BAHCC1: variants seen among roughly 807,000 people sequenced by gnomAD.
The protein encoded by BAHCC1 is BAH domain and coiled-coil containing 1.
BAHCC1 carries 43 observed loss-of-function variants against 88.2 expected under a neutral mutation model. That is an observed-to-expected ratio of 0.49 (90% CI 0.38 to 0.63). BAHCC1 has a LOEUF of 0.63. BAHCC1 is among the 20% of genes least tolerant of loss of function. The probability of loss-of-function intolerance (pLI) is 0.00; values close to 1 mark genes in which losing one functional copy is unlikely to be tolerated. For synonymous variants in BAHCC1, 1,510 were observed against 745.5 expected (o/e 2.03, Z -16.71); for missense variants, 3,023 against 1,654.8 (o/e 1.83, Z -14.34).
intron 1 of BAHCC1, among the ~76,000 whole-genome samples, chr17:81,397,340 C>G (rs1343083225): frequency 2.0e-5 from 3 of 151,814 alleles, no homozygotes; most frequent in Non-Finnish European, 1.5e-5. Flanking sequence ...GAGCCCGCGT[C>G]CCGAGAATCG....
At position 81,442,746 on chromosome 17, in the gene BAHCC1, A is replaced by G; in HGVS notation, c.1397A>G (p.Lys466Arg). The change falls in exon 5 of 28, where the codon AAG (lysine) becomes AGG (arginine). Residue 466 changes from lysine to arginine, a missense_variant. Coordinates refer to ENST00000675386, the MANE Select transcript of BAHCC1 (RefSeq NM_001377448.1). ...GFEAALNPRL[K>R]GLDYLSSAGP... ...GAGGCGGCCCTCAACCCCCGGCTAAAGGGCCTCGACTATCTCAGCAGCGCA... is the reference window on the plus strand; with the variant it reads ...GAGGCGGCCCTCAACCCCCGGCTAAGGGGCCTCGACTATCTCAGCAGCGCA... 1 of 778,662 alleles carries G rather than the reference A, an allele frequency of 1.3e-6. No individual in the cohort carries two copies. 48.2% of individuals were successfully genotyped at this position (778,662 alleles called of 1,614,324 possible).
At position 81,442,940 on chromosome 17, in the gene BAHCC1, G is replaced by T; in HGVS notation, c.1591G>T (p.Ala531Ser). 1.3e-6 allele frequency: 1 copy of T among 779,030 alleles called. No homozygotes were observed. The highest frequency in any genetic ancestry group is 2.4e-6 in the Non-Finnish European group (1 of 417,800). The allele number at this position is 779,030 out of a possible 1,614,324, so 48.3% of individuals were successfully genotyped here. ...CTLDKTVGKE[A>S]PAGPPGAQKV... ...TTTAGATAAGACTGTTGGCAAGGAA[G>T]CCCCGGCCGGCCCCCCAGGGGCACA... Residue 531 changes from alanine (A) to serine (S), a missense_variant, in exon 5 of 28, where the codon GCC becomes TCC. Ala to Ser is a moderately conservative substitution (Grantham distance 99). Transcript: ENST00000675386.
At position 81,403,447 on chromosome 17, in the gene BAHCC1, T is replaced by C. The variant is rs140293733; in HGVS notation, c.178+3530T>C. 3.0e-4 allele frequency among the ~76,000 whole-genome samples: 46 copies of C among 151,428 alleles called. No homozygotes were observed. The East Asian group carries it at 5.0e-3, about 17-fold the overall frequency. On this transcript the variant is annotated intron_variant, in intron 2 of 27. Transcript: ENST00000675386. ...GGTGGGAGAACTGCAAACTACTTCT[T>C]TCCTGCTGAAAAAGTGCTTCCTACC... is the stretch of plus-strand genomic sequence containing the variant.
rs1555658923 is a variant in BAHCC1 at position 81,460,624 on chromosome 17, C to T, written c.6120C>T (p.Thr2040=). The T allele has an allele frequency of 2.6e-6, 2 of 771,432 alleles. No individual in the cohort carries two copies. Among genetic ancestry groups the T allele is most frequent in the Admixed American group, 1.7e-5 (1 of 57,858 alleles). 47.8% of individuals were successfully genotyped at this position (771,432 alleles called of 1,614,324 possible). A position where few individuals can be genotyped will look rare whatever the true frequency, so the allele number is the denominator to read the frequency against. ...CACCCCCGCCTAGTGAAGCCGCCAC[C>T]CCCAGCCTGTCCCCCAAAGCACAGG... The part of the protein sequence containing the change: ...SEAPPPSEAA[T]PSLSPKAQDG... Residue 2040 remains threonine (T), a synonymous_variant, in exon 25 of 28, where the codon ACC becomes ACT. Coordinates refer to ENST00000675386, the MANE Select transcript of BAHCC1 (RefSeq NM_001377448.1).
intron 14 of BAHCC1, among the ~76,000 whole-genome samples, chr17:81,454,486 G>A (rs923744271): frequency 4.6e-5 from 7 of 152,166 alleles, no homozygotes; most frequent in African/African-American, 9.7e-5. Flanking sequence ...GCCTGAGCCC[G>A]GCAACGGGGT....
At chr17:81,413,926 G>A (rs1162438039) in intron 2 of BAHCC1, among the ~76,000 whole-genome samples, 1 of 152,180 alleles carries the variant, frequency 6.6e-6, no homozygotes, top group Non-Finnish European at 1.5e-5. Flanking sequence ...GGTGGGGTCC[G>A]CAGGTGCGTC....
At chr17:81,439,921 A>G (rs2064387921) in intron 4 of BAHCC1, among the ~76,000 whole-genome samples, 2 of 151,686 alleles carry the variant, frequency 1.3e-5, no homozygotes, top group African/African-American at 4.9e-5. Context: ...CCCACCTCAT[A>G]CTCACTCCAG....
At chr17:81,398,740 C>T (rs570151774) in intron 1 of BAHCC1, among the ~76,000 whole-genome samples, 1 of 150,820 alleles carries the variant, frequency 6.6e-6, no homozygotes, top group Non-Finnish European at 1.5e-5. Context: ...GGCACTGCGG[C>T]GTGGCGGCCC....
intron 23 of BAHCC1, 90 bp downstream of exon 23, chr17:81,459,694 G>A: frequency 2.7e-6 from 2 of 743,268 alleles, no homozygotes; most frequent in Non-Finnish European, 5.0e-6. Flanking sequence ...TCCGAGGCTG[G>A]CGAGGGCAGA....
chr17:81,450,140 G>A (rs556999939), intron 11 of BAHCC1, among the ~76,000 whole-genome samples: 4 of 152,294 alleles, frequency 2.6e-5, no homozygotes, highest in East Asian at 3.9e-4. Flanking sequence ...TGAGGTTATC[G>A]TTGCTCCTGG....
At chr17:81,409,536 C>T (rs1327220469) in intron 2 of BAHCC1, among the ~76,000 whole-genome samples, 1 of 152,220 alleles carries the variant, frequency 6.6e-6, no homozygotes, top group East Asian at 1.9e-4. Flanking sequence ...TGTGAGGCGA[C>T]TCCCTGATTG....
chr17:81,447,986 T>C (rs968305905), intron 11 of BAHCC1, 138 bp downstream of exon 11: 19 of 629,504 alleles, frequency 3.0e-5, no homozygotes, highest in Admixed American at 4.8e-5. Flanking sequence ...CTGGAGAGTG[T>C]CCGCCTCCCC....
In BAHCC1 at chr17:81,461,614, C is replaced by T. The variant is rs1439885075; in HGVS notation, c.6951C>T (p.Ser2317=). Residue 2317 remains serine (S), a synonymous_variant, in exon 26 of 28, where the codon TCC becomes TCT. Coordinates refer to ENST00000675386, the MANE Select transcript of BAHCC1 (RefSeq NM_001377448.1). ...PSRFLARLSV[S]SSSSGSSTSS... ...GCTTCCTCGCCCGCCTGTCCGTGTC[C>T]TCTTCCTCCTCTGGCTCGTCCACCT... 1 of 738,826 alleles carries T rather than the reference C, an allele frequency of 1.4e-6. No homozygotes were observed. The highest frequency in any genetic ancestry group is 1.7e-5 in the African/African-American group (1 of 58,436). 45.8% of individuals were successfully genotyped at this position (738,826 alleles called of 1,614,324 possible). A position where few individuals can be genotyped will look rare whatever the true frequency, so the allele number is the denominator to read the frequency against.
intron 14 of BAHCC1, among the ~76,000 whole-genome samples, chr17:81,453,750 G>C (rs1200824260): frequency 6.6e-6 from 1 of 152,250 alleles, no homozygotes; most frequent in Non-Finnish European, 1.5e-5. Context: ...TCAGGACAGG[G>C]AGGGAAACTG....
At chr17:81,406,751 C>T (rs1417241577) in intron 2 of BAHCC1, among the ~76,000 whole-genome samples, 1 of 152,206 alleles carries the variant, frequency 6.6e-6, no homozygotes, top group Non-Finnish European at 1.5e-5. Flanking sequence ...TAGGTGTGCG[C>T]TGAGGGGATG....
At chr17:81,425,071 T>G (rs1255920734) in intron 2 of BAHCC1, among the ~76,000 whole-genome samples, 28 of 60,188 alleles carry the variant, frequency 4.7e-4, no homozygotes, top group Non-Finnish European at 4.8e-4. Flanking sequence ...GGTGATGTGG[T>G]TGGTGGGTGA....
At position 81,452,828 on chromosome 17, in the gene BAHCC1, C is replaced by G. The variant is rs541297347; in HGVS notation, c.4422C>G (p.Pro1474=). Residue 1474 remains proline, a synonymous_variant, in exon 14 of 28, where the codon CCC becomes CCG. Transcript: ENST00000675386. ...LPAPRPTGPL[P]RSDGKKVKAV... ...CCCCACGTCCCACGGGGCCGCTCCC[C>G]AGGAGCGATGGCAAGAAAGTCAAGT... The G allele has an allele frequency of 5.4e-6, 4 of 747,646 alleles. No homozygotes were observed. Among genetic ancestry groups the G allele is most frequent in the Middle Eastern group, 4.6e-4 (2 of 4,358 alleles). 46.3% of individuals were successfully genotyped at this position (747,646 alleles called of 1,614,324 possible).
chr17:81,430,524 C>T (rs917843928), intron 3 of BAHCC1, among the ~76,000 whole-genome samples: 3 of 152,228 alleles, frequency 2.0e-5, no homozygotes, highest in South Asian at 2.1e-4. Flanking sequence ...AACGGAGCCC[C>T]GCAGCTTCCT....
intron 2 of BAHCC1, chr17:81,415,686 G>A (rs11870740): frequency 0.75 from 292,683 of 388,922 alleles, 113,686 homozygotes; most frequent in East Asian, 0.9. Flanking sequence ...CCCCTCGGTG[G>A]GAGGTGGAGC....
Sources: gnomAD v4.1 joint callset for allele counts (sites outside exome capture counted in the v4.1 genomes callset) on GRCh38, gnomAD v4.1.1 for gene constraint, MANE v1.5 for transcripts, NCBI Gene and HGNC (gene_info 2026-07-23, HGNC 2026-07-21) for gene names.